CDH11: variants seen among roughly 807,000 people sequenced by gnomAD.
The protein encoded by CDH11 is cadherin-11.
In CDH11, 11 loss-of-function variants were observed where a neutral mutation model predicts 67.8. The ratio of observed to expected loss-of-function variants is 0.16; its 90% CI spans 0.10 to 0.27. The LOEUF (loss-of-function observed/expected upper bound fraction) is 0.27, where lower values mean the gene tolerates loss of function less well. Among genes scored for constraint, CDH11 ranks in the 10% least tolerant of loss-of-function variants. The pLI is 1.00. For missense variants in CDH11, 847 were observed against 1,031.2 expected (o/e 0.82, Z 2.45); for synonymous variants, 419 against 400.0 (o/e 1.05, Z -0.57).
intron 2 of CDH11, among the ~76,000 whole-genome samples, chr16:65,038,621 T>C (rs1244353859): frequency 6.6e-6 from 1 of 152,208 alleles, no homozygotes; most frequent in African/African-American, 2.4e-5. Context: ...TATCCGTGGA[T>C]CCCACATCTC....
intron 4 of CDH11, among the ~76,000 whole-genome samples, chr16:64,994,273 A>T (rs1027771787): frequency 1.3e-5 from 2 of 152,190 alleles, no homozygotes; most frequent in Non-Finnish European, 2.9e-5. Context: ...TTTATAAAGG[A>T]AAATACCATC....
chr16:65,122,707 G>C (rs770992676), upstream of CDH11, among the ~76,000 whole-genome samples: 6 of 152,070 alleles, frequency 3.9e-5, no homozygotes, highest in Non-Finnish European at 8.8e-5. Flanking sequence ...GAAGTCGGGC[G>C]GGGAGGGAGA....
chr16:65,046,334 C>T (rs757773503), intron 2 of CDH11, among the ~76,000 whole-genome samples: 2 of 152,176 alleles, frequency 1.3e-5, no homozygotes, highest in African/African-American at 4.8e-5. Flanking sequence ...CTCACCTGCC[C>T]AAGAAGCGCT....
intron 1 of CDH11, chr16:65,094,559 A>G (rs2074853064): frequency 1.3e-5 from 2 of 152,130 alleles, no homozygotes; most frequent in Non-Finnish European, 2.9e-5. Context: ...GTCCAGTTCA[A>G]TAACCACAAT....
intron 2 of CDH11, among the ~76,000 whole-genome samples, chr16:65,025,875 A>G (rs555462374): frequency 1.3e-5 from 2 of 152,234 alleles, no homozygotes; most frequent in African/African-American, 4.8e-5. Flanking sequence ...CCTCAGCTGT[A>G]GCTCCTTGGC....
At chr16:65,055,101 T>C (rs967529505) in intron 1 of CDH11, among the ~76,000 whole-genome samples, 10 of 152,200 alleles carry the variant, frequency 6.6e-5, no homozygotes, top group African/African-American at 2.4e-4. Context: ...TTCCTGGAGA[T>C]ACAGGGAGTC....
At chr16:65,017,509 A>G (rs1428972458) in intron 2 of CDH11, among the ~76,000 whole-genome samples, 1 of 152,208 alleles carries the variant, frequency 6.6e-6, no homozygotes, top group African/African-American at 2.4e-5. Flanking sequence ...AATCTGAAAG[A>G]TTAACAAGTG....
intron 4 of CDH11, among the ~76,000 whole-genome samples, chr16:64,996,127 A>G (rs2072756936): frequency 6.6e-6 from 1 of 152,186 alleles, no homozygotes; most frequent in South Asian, 2.1e-4. Context: ...GAACACATAT[A>G]CACTGCTGGT....
At chr16:65,019,490 T>C (rs368169250) in intron 2 of CDH11, among the ~76,000 whole-genome samples, 4 of 152,324 alleles carry the variant, frequency 2.6e-5, no homozygotes, top group African/African-American at 9.6e-5. Context: ...GAAAATCTTG[T>C]TCAAGACAGA....
chr16:65,032,785 C>T (rs2142627979), intron 2 of CDH11, among the ~76,000 whole-genome samples: 1 of 152,310 alleles, frequency 6.6e-6, no homozygotes, highest in Non-Finnish European at 1.5e-5. Flanking sequence ...CATTCAGTTG[C>T]AGTGGCGTTA....
intron 11 of CDH11, among the ~76,000 whole-genome samples, chr16:64,961,077 C>T (rs567312412): frequency 2.9e-4 from 44 of 152,114 alleles, no homozygotes; most frequent in South Asian, 1.5e-3. Context: ...TCTTTTAGGA[C>T]GCTTCCTGGC....
chr16:64,965,008 T>C (rs1320598536), intron 11 of CDH11, among the ~76,000 whole-genome samples: 1 of 152,054 alleles, frequency 6.6e-6, no homozygotes, highest in Non-Finnish European at 1.5e-5. Flanking sequence ...TAACTCATCA[T>C]TTACGTTAGG....
rs373935445 is a variant in CDH11, at chr16:64,982,039, C to T, written c.1253+9G>A. 2.1e-4 allele frequency: 327 copies of T among 1,592,894 alleles called. 2 individuals carry two copies. The South Asian group carries it at 2.6e-3, about 13-fold the overall frequency. The stretch of plus-strand genomic sequence containing the variant: ...CCCATCCAAGCTCTTAAAATAAATC[C>T]GTCTGTACCTTATCGGGCTGTTGGC... On this transcript the variant is annotated intron_variant, in intron 8 of 12. Transcript: ENST00000268603.
At chr16:64,967,434 G>C (rs969738520) in intron 11 of CDH11, among the ~76,000 whole-genome samples, 1 of 152,196 alleles carries the variant, frequency 6.6e-6, no homozygotes, top group African/African-American at 2.4e-5. Context: ...TGCCCAGGCT[G>C]GTCTTGAACT....
In CDH11 at chr16:64,971,703, G is replaced by A. The variant is rs202063749; in HGVS notation, c.1525-7C>T. 154 of 1,580,564 alleles carry A rather than the reference G, an allele frequency of 9.7e-5. No homozygotes were observed. Among genetic ancestry groups the A allele is most frequent in the South Asian group, 6.2e-4 (56 of 89,802 alleles). ...CACTAATTGTAACAATTGGCTGAAA[G>A]AGAAAGGTGGCCCATAAATAAATCA... On this transcript the variant is annotated splice_region_variant and splice_polypyrimidine_tract_variant and intron_variant, in intron 10 of 12. Transcript: ENST00000268603.
At chr16:64,990,569 T>A (rs2072603742) in intron 6 of CDH11, among the ~76,000 whole-genome samples, 1 of 114,390 alleles carries the variant, frequency 8.7e-6, no homozygotes. Context: ...ATAGACAGAC[T>A]TGTGTTCAAA....
Position 64,958,142 on chromosome 16 carries a change from G to A in CDH11, c.1643-7124C>T, listed in dbSNP as rs116780434. ...TAACCTCCTTGAGGGAAGGGGCCTT[G>A]TCTTATTTAGCTTTTCAGTCGTCTT... On this transcript the variant is annotated intron_variant, in intron 11 of 12. Transcript: ENST00000268603. Among the ~76,000 whole-genome samples, 813 of 152,308 alleles carry A rather than the reference G, an allele frequency of 5.3e-3. 10 individuals carry two copies. Among genetic ancestry groups the A allele is most frequent in the African/African-American group, 0.019 (771 of 41,558 alleles).
chr16:64,978,730 C>T (rs942327259), intron 8 of CDH11, among the ~76,000 whole-genome samples: 1 of 152,052 alleles, frequency 6.6e-6, no homozygotes, highest in African/African-American at 2.4e-5. Context: ...ATTGGATATG[C>T]ACATGCAAAA....
Position 65,099,448 on chromosome 16 carries a change from T to G in CDH11, c.-298+22432A>C, listed in dbSNP as rs929735954. Among the ~76,000 whole-genome samples the G allele has an allele frequency of 4.6e-5, 7 of 151,954 alleles. No homozygotes were observed. In the South Asian group the frequency reaches 8.3e-4, roughly 18 times the overall value. On this transcript the variant is annotated intron_variant, in intron 1 of 12. Coordinates refer to ENST00000268603, the MANE Select transcript of CDH11 (RefSeq NM_001797.4). ...TATTCACAGGACATAGCAAATGGCC[T>G]CAGAGATGGACTGTAACTCAAGGAA...
Sources: gnomAD v4.1 joint callset for allele counts (sites outside exome capture counted in the v4.1 genomes callset) on GRCh38, gnomAD v4.1.1 for gene constraint, MANE v1.5 for transcripts, NCBI Gene and HGNC (gene_info 2026-07-23, HGNC 2026-07-21) for gene names.